Variants in PARP1 observed in about 807,000 individuals in gnomAD.
The protein encoded by PARP1 is poly [ADP-ribose] polymerase 1.
A neutral mutation model predicts 118.7 loss-of-function variants in PARP1; 44 were observed. The ratio of observed to expected loss-of-function variants is 0.37; its 90% CI spans 0.29 to 0.48. PARP1 has a LOEUF of 0.48. PARP1 is among the 20% of genes least tolerant of loss of function. The pLI, the probability that PARP1 is intolerant of heterozygous loss-of-function variation, is 0.99. For synonymous variants in PARP1, 492 were observed against 483.2 expected (o/e 1.02, Z -0.24); for missense variants, 1,100 against 1,272.4 (o/e 0.86, Z 2.06).
chr1:226,402,549 G>A (rs1406063133), intron 1 of PARP1, among the ~76,000 whole-genome samples, 170 bp from the exon 2 acceptor site: 1 of 152,234 alleles, frequency 6.6e-6, no homozygotes, highest in East Asian at 1.9e-4. Flanking sequence ...CTCACATGAA[G>A]AGCTGCAGCA....
chr1:226,371,751 G>T (rs1406538917), intron 14 of PARP1, among the ~76,000 whole-genome samples: 2 of 152,246 alleles, frequency 1.3e-5, no homozygotes, highest in Non-Finnish European at 2.9e-5. Context: ...CATGGCCAGA[G>T]TGAGGGCAGA....
intron 5 of PARP1, among the ~76,000 whole-genome samples, chr1:226,387,570 T>C (rs962539499): frequency 6.6e-6 from 1 of 152,142 alleles, no homozygotes; most frequent in African/African-American, 2.4e-5. Flanking sequence ...TCTCGACATC[T>C]CCTCTCCATC....
chr1:226,385,493 C>A lies in PARP1; in HGVS notation c.1011+11G>T. ...TCCCAACAGATCCCAGGATCTTCCCCTACCCCTTACCTTTGGGGTTACCCA... is the reference window on the plus strand; with the variant it reads ...TCCCAACAGATCCCAGGATCTTCCCATACCCCTTACCTTTGGGGTTACCCA... On this transcript the variant is annotated intron_variant, in intron 7 of 22. Coordinates refer to ENST00000366794, the MANE Select transcript of PARP1 (RefSeq NM_001618.4). The A allele has an allele frequency of 6.2e-7, 1 of 1,613,052 alleles. No homozygotes were observed. The highest frequency in any genetic ancestry group is 8.5e-7 in the Non-Finnish European group (1 of 1,179,196).
intron 9 of PARP1, among the ~76,000 whole-genome samples, chr1:226,380,690 G>T (rs907577859): frequency 1.3e-4 from 20 of 152,248 alleles, no homozygotes; most frequent in Admixed American, 7.8e-4. Flanking sequence ...TAAAATACTT[G>T]CTTCATATTT....
At position 226,361,433 on chromosome 1, in the gene PARP1, CG is replaced by C; in HGVS notation, c.*26del. 4 of 1,503,352 alleles carry C rather than the reference CG, an allele frequency of 2.7e-6. No individual in the cohort carries two copies. The highest frequency in any genetic ancestry group is 3.7e-6 in the Non-Finnish European group (4 of 1,079,904). The allele number at this position is 1,503,352 out of a possible 1,614,324, so 93.1% of individuals were successfully genotyped here. On this transcript the variant is annotated 3_prime_UTR_variant, in exon 23 of 23. Transcript: ENST00000366794. ...TCGGGTGAATTCATACCAGAGCCAC[CG>C]GGTGTGACTCGGCTACCTCTCCCAA...
intron 2 of PARP1, among the ~76,000 whole-genome samples, chr1:226,401,520 G>C (rs560529711): frequency 2.0e-5 from 3 of 152,244 alleles, no homozygotes. Flanking sequence ...GGTAACTTCC[G>C]GGTATTGCCA....
chr1:226,368,323 T>C lies in PARP1; in HGVS notation c.2155-2A>G, dbSNP rs765104066. The C allele has an allele frequency of 1.9e-6, 3 of 1,614,052 alleles. No homozygotes were observed. The highest frequency in any genetic ancestry group is 4.5e-5 in the East Asian group (2 of 44,892). On this transcript the variant is annotated splice_acceptor_variant, in intron 15 of 22. Coordinates refer to ENST00000366794, the MANE Select transcript of PARP1 (RefSeq NM_001618.4). LOFTEE classifies it high-confidence loss of function. Reference sequence around the variant, plus strand: ...GTCGCTGCTGCCCTGAGACACCGCCTGGAGAGGAGGGGACAGAAGGAATGC... The same window carrying C: ...GTCGCTGCTGCCCTGAGACACCGCCCGGAGAGGAGGGGACAGAAGGAATGC...
chr1:226,381,281 G>C (rs1014638022), intron 8 of PARP1, 73 bp from the exon 9 acceptor site: 14 of 1,577,094 alleles, frequency 8.9e-6, no homozygotes, highest in Non-Finnish European at 1.1e-5. Context: ...AGGTGGAGGA[G>C]CAGGTGAGCC....
chr1:226,389,071 G>GT (rs1483592281), intron 4 of PARP1, among the ~76,000 whole-genome samples: 1 of 151,172 alleles, frequency 6.6e-6, no homozygotes, highest in Non-Finnish European at 1.5e-5. Context: ...CCCGTCTGAG[G>GT]TTAAAAAAAA....
chr1:226,395,439 G>A (rs1664896575), intron 2 of PARP1, among the ~76,000 whole-genome samples: 1 of 152,006 alleles, frequency 6.6e-6, no homozygotes, highest in South Asian at 2.1e-4. Flanking sequence ...GCTCACGCCT[G>A]TAATCCCAGC....
chr1:226,377,288 C>G lies in PARP1; in HGVS notation c.1761G>C (p.Arg587Ser). Residue 587 changes from arginine to serine, a missense_variant, in exon 13 of 23, where the codon AGG becomes AGC. Around this residue, in one of 2 missense-constraint regions of PARP1, gnomAD observed 948 missense variants for 1,031.8 expected, o/e 0.92. Coordinates refer to ENST00000366794, the MANE Select transcript of PARP1 (RefSeq NM_001618.4). ...TCACCGTACCCACACGGCCCCAGGA[C>G]CTGAATATCCAATACCTGCAGTGGG... ...DDKENRYWIF[R>S]SWGRVGTVIG... 6.2e-7 allele frequency: 1 copy of G among 1,613,896 alleles called. No individual in the cohort carries two copies. The highest frequency in any genetic ancestry group is 8.5e-7 in the Non-Finnish European group (1 of 1,179,804).
chr1:226,402,127 G>A (rs1022890081), intron 2 of PARP1, 87 bp downstream of exon 2: 2 of 1,611,606 alleles, frequency 1.2e-6, no homozygotes, highest in Admixed American at 1.7e-5. Context: ...CAAGCTGGGG[G>A]AGGTTTGCTT....
At chr1:226,403,777 G>A (rs1313957608) in intron 1 of PARP1, among the ~76,000 whole-genome samples, 1 of 152,174 alleles carries the variant, frequency 6.6e-6, no homozygotes, top group Non-Finnish European at 1.5e-5. Context: ...CTAAAGTAAG[G>A]GAAGTCCCAA....
chr1:226,365,482 A>C (rs3219139), intron 18 of PARP1, among the ~76,000 whole-genome samples: 3,420 of 152,322 alleles, frequency 0.022, 78 homozygotes, highest in South Asian at 0.099. Flanking sequence ...AGCCATCCCC[A>C]AACTACTGTA....
chr1:226,369,281 C>T (rs999189369), intron 15 of PARP1, among the ~76,000 whole-genome samples: 4 of 152,218 alleles, frequency 2.6e-5, no homozygotes, highest in Non-Finnish European at 5.9e-5. Context: ...GCTGCCTGGG[C>T]CCACTTCTGC....
chr1:226,375,113 C>T (rs1414355408), intron 13 of PARP1, among the ~76,000 whole-genome samples: 1 of 152,250 alleles, frequency 6.6e-6, no homozygotes, highest in African/African-American at 2.4e-5. Context: ...GGAATTGGCA[C>T]TGGGCTTTGA....
At position 226,363,805 on chromosome 1, in the gene PARP1, T is replaced by C. The variant is rs752308; in HGVS notation, c.2786+138A>G. ...AACTTGAATTGGATTCTGCTACTTA[T>C]AAGAAAAGAATCCTAATTGGTGCGT... On this transcript the variant is annotated intron_variant, in intron 20 of 22. Transcript: ENST00000366794. The C allele has an allele frequency of 0.19, 167,889 of 900,086 alleles. 17,370 individuals carry two copies. Among genetic ancestry groups the C allele is most frequent in the African/African-American group, 0.34 (20,998 of 61,124 alleles). The allele number at this position is 900,086 out of a possible 1,614,324, so 55.8% of individuals were successfully genotyped here.
intron 1 of PARP1, among the ~76,000 whole-genome samples, chr1:226,405,186 C>T (rs1665120366): frequency 6.6e-6 from 1 of 152,256 alleles, no homozygotes; most frequent in Non-Finnish European, 1.5e-5. Flanking sequence ...TGAATTAAAA[C>T]TCTGAATCCA....
chr1:226,380,215 T>C, intron 9 of PARP1, 51 bp from the exon 10 acceptor site: 1 of 1,572,306 alleles, frequency 6.4e-7, no homozygotes, highest in South Asian at 1.1e-5. Context: ...AAAACAAAAC[T>C]GAAACTTCAA....
Sources: allele counts gnomAD v4.1 joint callset (sites outside exome capture counted in the v4.1 genomes callset), GRCh38; gene constraint gnomAD v4.1.1; regional missense constraint gnomAD v4.1.1; transcripts MANE v1.5; gene names NCBI Gene and HGNC (gene_info 2026-07-23, HGNC 2026-07-21).